Variants in WWOX observed in about 807,000 individuals in gnomAD.
WWOX encodes the protein WW domain containing oxidoreductase.
WWOX carries 69 observed loss-of-function variants against 46.2 expected under a neutral mutation model. The observed-to-expected ratio is 1.49, with a 90% CI of 1.23 to 1.82. The LOEUF is 1.82. Among genes scored for constraint, WWOX ranks in the 40% most tolerant of loss-of-function variants. The pLI, the probability that WWOX is intolerant of heterozygous loss-of-function variation, is 0.00. For missense variants in WWOX, 919 were observed against 542.6 expected, an observed-to-expected ratio of 1.69 and a Z score of -6.89; for synonymous variants, 359 against 202.6, an observed-to-expected ratio of 1.77 and a Z score of -6.56.
intron 8 of WWOX, among the ~76,000 whole-genome samples, chr16:79,152,399 C>G: frequency 6.6e-6 from 1 of 152,144 alleles, no homozygotes; most frequent in Non-Finnish European, 1.5e-5. Context: ...CAGCCGGGCG[C>G]AGTGTCTCAT....
At position 78,942,669 on chromosome 16, in the gene WWOX, G is replaced by C. The variant is rs146294133; in HGVS notation, c.1057-268939G>C. Among the ~76,000 whole-genome samples, 6 of 152,296 alleles carry C rather than the reference G, an allele frequency of 3.9e-5. No homozygotes were observed. The East Asian group carries it at 1.2e-3, about 29-fold the overall frequency. ...CGTGGCATGAAGAGAAAATGGAATG[G>C]AATGAGCACTAATGAGGACCTTGAA... On this transcript the variant is annotated intron_variant, in intron 8 of 8. Coordinates refer to ENST00000566780, the MANE Select transcript of WWOX (RefSeq NM_016373.4).
intron 8 of WWOX, among the ~76,000 whole-genome samples, chr16:78,832,893 T>C (rs945729558): frequency 3.3e-5 from 5 of 152,204 alleles, no homozygotes; most frequent in African/African-American, 9.7e-5. Flanking sequence ...CATGCAGTTC[T>C]ATTTATTTTT....
intron 8 of WWOX, among the ~76,000 whole-genome samples, chr16:79,156,989 C>T (rs1186020326): frequency 6.6e-6 from 1 of 152,204 alleles, no homozygotes; most frequent in Non-Finnish European, 1.5e-5. Flanking sequence ...CCCTGAAGAA[C>T]TGGCCCTTGT....
At chr16:78,364,969 T>C (rs1463234054) in intron 5 of WWOX, among the ~76,000 whole-genome samples, 1 of 152,174 alleles carries the variant, frequency 6.6e-6, no homozygotes, top group African/African-American at 2.4e-5. Flanking sequence ...CTTCTGTCTG[T>C]GATAGTCACA....
At chr16:78,720,901 A>C (rs2048673878) in intron 8 of WWOX, among the ~76,000 whole-genome samples, 1 of 152,136 alleles carries the variant, frequency 6.6e-6, no homozygotes, top group South Asian at 2.1e-4. Flanking sequence ...CTAAAAGATA[A>C]GTTCCTCCCC....
At chr16:78,177,116 G>T (rs1202763245) in intron 5 of WWOX, among the ~76,000 whole-genome samples, 1 of 152,234 alleles carries the variant, frequency 6.6e-6, no homozygotes, top group Non-Finnish European at 1.5e-5. Context: ...AAGTTGAGAA[G>T]CATGGCTCAA....
chr16:79,161,227 G>C (rs1339557533), intron 8 of WWOX, among the ~76,000 whole-genome samples: 1 of 152,026 alleles, frequency 6.6e-6, no homozygotes, highest in Non-Finnish European at 1.5e-5. Flanking sequence ...AGTGCACACA[G>C]GCAAGTGAAG....
rs79516514 is a variant in WWOX at position 78,442,363 on chromosome 16, A to G, written c.1056+9611A>G. On this transcript the variant is annotated intron_variant, in intron 8 of 8. Coordinates refer to ENST00000566780, the MANE Select transcript of WWOX (RefSeq NM_016373.4). ...TCGTTAACTGTATTCACCATGCTGT[A>G]CAATAGATCTCCAGAATGTATTCAT... Among the ~76,000 whole-genome samples the G allele has an allele frequency of 3.9e-4, 59 of 152,230 alleles. 1 individual carries two copies. In the East Asian group the frequency reaches 0.01, roughly 27 times the overall value.
intron 8 of WWOX, 93 bp downstream of exon 8, chr16:78,432,845 G>A: frequency 1.9e-6 from 3 of 1,585,082 alleles, no homozygotes; most frequent in East Asian, 2.2e-5. Context: ...GCGGGCATGA[G>A]TCTGGTCTCA....
At chr16:78,497,973 T>C (rs2738731) in intron 8 of WWOX, among the ~76,000 whole-genome samples, 112,669 of 151,438 alleles carry the variant, frequency 0.74, 44,687 homozygotes, top group Admixed American at 0.87. Flanking sequence ...GAGGCCGAGG[T>C]GGGCGGATCA....
intron 4 of WWOX, chr16:78,123,175 C>T (rs952407781): frequency 6.6e-6 from 1 of 151,728 alleles, no homozygotes; most frequent in African/African-American, 2.4e-5. Context: ...TTTTCTCTCT[C>T]TTTTGTTTTG....
chr16:78,706,692 G>A lies in WWOX; in HGVS notation c.1056+273940G>A, dbSNP rs113829784. Among the ~76,000 whole-genome samples the A allele has an allele frequency of 4.6e-3, 706 of 152,204 alleles. 2 individuals are homozygous for A. The highest frequency in any genetic ancestry group is 0.016 in the African/African-American group (668 of 41,514). ...AAGGCTCTTTCAGCTGCTCTTTCTC[G>A]ATCCTTGCAGTTTCCCTTTTGACCT... is the stretch of plus-strand genomic sequence containing the variant. On this transcript the variant is annotated intron_variant, in intron 8 of 8. Coordinates refer to ENST00000566780, the MANE Select transcript of WWOX (RefSeq NM_016373.4).
At chr16:78,201,831 C>G (rs957840085) in intron 5 of WWOX, among the ~76,000 whole-genome samples, 5 of 152,036 alleles carry the variant, frequency 3.3e-5, no homozygotes, top group African/African-American at 1.2e-4. Context: ...CCCTGAGTAG[C>G]TGGGACTACA....
chr16:78,670,907 C>T (rs1426817220), intron 8 of WWOX, among the ~76,000 whole-genome samples: 1 of 151,824 alleles, frequency 6.6e-6, no homozygotes, highest in African/African-American at 2.4e-5. Flanking sequence ...ATAAGAATGT[C>T]CTTAGCAGAG....
At chr16:79,039,727 G>C (rs1464627312) in intron 8 of WWOX, among the ~76,000 whole-genome samples, 1 of 152,198 alleles carries the variant, frequency 6.6e-6, no homozygotes, top group African/African-American at 2.4e-5. Context: ...ATGGAAGCAG[G>C]AGAGCCTGGG....
chr16:78,674,407 C>G (rs763754696), intron 8 of WWOX, among the ~76,000 whole-genome samples: 5 of 151,892 alleles, frequency 3.3e-5, no homozygotes, highest in Admixed American at 6.6e-5. Flanking sequence ...GCCTCAGCCT[C>G]CTGAGTAGCT....
chr16:78,846,659 G>C (rs954765659), intron 8 of WWOX, among the ~76,000 whole-genome samples: 1 of 152,186 alleles, frequency 6.6e-6, no homozygotes, highest in African/African-American at 2.4e-5. Flanking sequence ...GGTTAACGTG[G>C]TATCTGCCAG....
intron 8 of WWOX, among the ~76,000 whole-genome samples, chr16:78,677,270 C>G (rs974728986): frequency 1.3e-5 from 2 of 152,150 alleles, no homozygotes; most frequent in Admixed American, 6.5e-5. Flanking sequence ...TGACAGGATT[C>G]TTGCAAATGT....
At chr16:79,201,269 G>T (rs2051344469) in intron 8 of WWOX, among the ~76,000 whole-genome samples, 1 of 151,824 alleles carries the variant, frequency 6.6e-6, no homozygotes, top group South Asian at 2.1e-4. Flanking sequence ...AGATGATATT[G>T]ATTCTCACTT....
Sources: gnomAD v4.1 joint callset for allele counts (sites outside exome capture counted in the v4.1 genomes callset) on GRCh38, gnomAD v4.1.1 for gene constraint, MANE v1.5 for transcripts, NCBI Gene and HGNC (gene_info 2026-07-23, HGNC 2026-07-21) for gene names.